PHACTR1: variants seen among roughly 807,000 people sequenced by gnomAD.
The protein encoded by PHACTR1 is phosphatase and actin regulator 1.
Under a neutral mutation model 69.2 loss-of-function variants are expected in PHACTR1, and 16 were observed. The observed-to-expected ratio is 0.23, with a 90% CI of 0.16 to 0.35. PHACTR1 has a LOEUF of 0.35. Ranked by LOEUF, PHACTR1 falls within the 10% of genes least tolerant of loss-of-function variation. PHACTR1 has a pLI of 1.00. For missense variants in PHACTR1, 510 were observed against 734.7 expected, an observed-to-expected ratio of 0.69 and a Z score of 3.54; for synonymous variants, 312 against 284.5, an observed-to-expected ratio of 1.10 and a Z score of -0.97.
At chr6:12,923,435 A>C (rs114991308) in intron 4 of PHACTR1, among the ~76,000 whole-genome samples, 1,987 of 152,328 alleles carry the variant, frequency 0.013, 47 homozygotes, top group African/African-American at 0.045. Context: ...ATAATTTTGC[A>C]ACAAATATTA....
At chr6:13,256,625 A>C (rs897205322) in intron 10 of PHACTR1, among the ~76,000 whole-genome samples, 1 of 152,196 alleles carries the variant, frequency 6.6e-6, no homozygotes, top group Non-Finnish European at 1.5e-5. Flanking sequence ...CTTCTGCCAG[A>C]TACTCTAAAT....
At chr6:12,801,337 C>T (rs557504230) in intron 4 of PHACTR1, among the ~76,000 whole-genome samples, 2 of 152,240 alleles carry the variant, frequency 1.3e-5, no homozygotes, top group South Asian at 4.1e-4. Flanking sequence ...CCTAGTCTGC[C>T]CAGCAGCATT....
intron 7 of PHACTR1, among the ~76,000 whole-genome samples, chr6:13,195,300 T>C (rs554444522): frequency 2.0e-4 from 31 of 152,304 alleles, no homozygotes; most frequent in African/African-American, 7.5e-4. Context: ...GTTAAGTAAT[T>C]AAAGGAGATA....
intron 5 of PHACTR1, among the ~76,000 whole-genome samples, chr6:13,095,749 C>CTTTTTTTTT (rs140109520): frequency 1.8e-4 from 14 of 77,246 alleles, no homozygotes; most frequent in Admixed American, 2.2e-4. Flanking sequence ...TTGTGAAGGG[C>CTTTTTTTTT]TTTTTTTTTT....
intron 5 of PHACTR1, among the ~76,000 whole-genome samples, chr6:13,071,530 C>T (rs1295617868): frequency 1.3e-5 from 2 of 152,112 alleles, no homozygotes; most frequent in African/African-American, 4.8e-5. Flanking sequence ...AGGACTTTTC[C>T]TGTCAAATCA....
chr6:12,776,052 T>C (rs1770022370), intron 4 of PHACTR1, among the ~76,000 whole-genome samples: 1 of 152,236 alleles, frequency 6.6e-6, no homozygotes, highest in African/African-American at 2.4e-5. Flanking sequence ...GCTTAAGTGA[T>C]GTTTGAAAAT....
At chr6:13,162,746 G>A (rs73723398) in intron 6 of PHACTR1, among the ~76,000 whole-genome samples, 1,788 of 152,204 alleles carry the variant, frequency 0.012, 37 homozygotes, top group African/African-American at 0.04. Context: ...ACAAACTGTT[G>A]GAGCAAAAGC....
chr6:12,847,296 G>A (rs1779384368), intron 4 of PHACTR1, among the ~76,000 whole-genome samples: 1 of 152,122 alleles, frequency 6.6e-6, no homozygotes, highest in South Asian at 2.1e-4. Flanking sequence ...TAGATAGGTA[G>A]GTAGGTAGAT....
At chr6:13,229,942 T>A in intron 9 of PHACTR1, 95 bp from the exon 10 acceptor site, 5 of 1,393,942 alleles carry the variant, frequency 3.6e-6, no homozygotes, top group Non-Finnish European at 4.8e-6. Flanking sequence ...CCTTGATGAC[T>A]TCCTTCCTGC....
intron 6 of PHACTR1, among the ~76,000 whole-genome samples, chr6:13,175,989 A>G (rs1761266009): frequency 6.6e-6 from 1 of 152,030 alleles, no homozygotes; most frequent in Admixed American, 6.6e-5. Flanking sequence ...TGGCTCCCCC[A>G]GTGGAGACAC....
At chr6:12,875,301 C>G (rs1419699797) in intron 4 of PHACTR1, among the ~76,000 whole-genome samples, 1 of 152,186 alleles carries the variant, frequency 6.6e-6, no homozygotes, top group African/African-American at 2.4e-5. Flanking sequence ...TCCATGAGCC[C>G]TGGGCCAGGA....
intron 7 of PHACTR1, among the ~76,000 whole-genome samples, chr6:13,185,550 G>A (rs962031934): frequency 2.6e-5 from 4 of 151,900 alleles, no homozygotes; most frequent in African/African-American, 9.7e-5. Context: ...GTTCTAAAAT[G>A]ATTGCACACG....
intron 4 of PHACTR1, among the ~76,000 whole-genome samples, chr6:12,754,933 T>C (rs1767117695): frequency 6.6e-6 from 1 of 152,220 alleles, no homozygotes; most frequent in Admixed American, 6.5e-5. Flanking sequence ...ATGTAAAGGA[T>C]TTGAGTATCC....
intron 4 of PHACTR1, among the ~76,000 whole-genome samples, chr6:13,042,240 C>G (rs1253382843): frequency 6.6e-6 from 1 of 152,152 alleles, no homozygotes; most frequent in African/African-American, 2.4e-5. Flanking sequence ...GATAATAGAT[C>G]TAAAAGCACT....
chr6:12,974,421 C>G (rs12203322), intron 4 of PHACTR1, among the ~76,000 whole-genome samples: 1 of 152,134 alleles, frequency 6.6e-6, no homozygotes, highest in Non-Finnish European at 1.5e-5. Context: ...TCATGACAGG[C>G]TTCTGCTAGA....
chr6:13,101,911 A>G (rs771827757), intron 5 of PHACTR1, among the ~76,000 whole-genome samples: 7 of 152,198 alleles, frequency 4.6e-5, no homozygotes, highest in Non-Finnish European at 7.3e-5. Context: ...CTCGTGGGTA[A>G]AGCCAGATGC....
At chr6:13,063,502 G>A (rs895761606) in intron 5 of PHACTR1, among the ~76,000 whole-genome samples, 3 of 152,108 alleles carry the variant, frequency 2.0e-5, no homozygotes, top group African/African-American at 7.2e-5. Context: ...GTCCAGTCAC[G>A]GTGACTCATG....
intron 5 of PHACTR1, among the ~76,000 whole-genome samples, chr6:13,124,558 A>C (rs990893183): frequency 6.6e-6 from 1 of 152,186 alleles, no homozygotes; most frequent in African/African-American, 2.4e-5. Context: ...ATCCTTAGTC[A>C]AATATTGTTT....
intron 4 of PHACTR1, among the ~76,000 whole-genome samples, chr6:13,022,230 A>T (rs893290677): frequency 2.0e-5 from 3 of 152,252 alleles, no homozygotes; most frequent in Non-Finnish European, 4.4e-5. Flanking sequence ...AGTGGAAATT[A>T]TCTGATGAAG....
Sources: gnomAD v4.1 joint callset for allele counts (sites outside exome capture counted in the v4.1 genomes callset) on GRCh38, gnomAD v4.1.1 for gene constraint, MANE v1.5 for transcripts, NCBI Gene and HGNC (gene_info 2026-07-23, HGNC 2026-07-21) for gene names.